PIP5K1C: variants seen among roughly 807,000 people sequenced by gnomAD.
The protein encoded by PIP5K1C is phosphatidylinositol-4-phosphate 5-kinase type 1 gamma.
In PIP5K1C, 45 loss-of-function variants were observed where a neutral mutation model predicts 80.1. The observed-to-expected ratio is 0.56, with a 90% confidence interval of 0.44 to 0.72. The LOEUF (loss-of-function observed/expected upper bound fraction) is 0.72, where lower values mean the gene tolerates loss of function less well. PIP5K1C is among the 30% of genes least tolerant of loss of function. The pLI, the probability that PIP5K1C is intolerant of heterozygous loss-of-function variation, is 0.00. For synonymous variants in PIP5K1C, 498 were observed against 420.1 expected, an observed-to-expected ratio of 1.19 and a Z score of -2.27; for missense variants, 753 against 954.6, an observed-to-expected ratio of 0.79 and a Z score of 2.78.
Position 3,641,726 on chromosome 19 carries a change from A to C in PIP5K1C, c.1766T>G (p.Val589Gly), listed in dbSNP as rs771158166. ...TCACCCTGCGTCCTCCTCTTTGGGG[A>C]CCACAATCTCCACGCTGCACGCAGG... ...VEPACSVEIVVPKEEDAGVEA... is the reference protein window; with the variant it reads ...VEPACSVEIVGPKEEDAGVEA... The change falls in exon 15 of 18, where the codon GTC (valine) becomes GGC (glycine). Residue 589 changes from valine to glycine, a missense_variant. Around this residue, in one of 6 missense-constraint regions of PIP5K1C, gnomAD observed 315 missense variants for 294.5 expected, o/e 1.07. Coordinates refer to ENST00000335312, the MANE Select transcript of PIP5K1C (RefSeq NM_012398.3). The C allele has an allele frequency of 6.2e-7, 1 of 1,609,598 alleles. No homozygotes were observed. Among genetic ancestry groups the C allele is most frequent in the Non-Finnish European group, 8.5e-7 (1 of 1,179,924 alleles).
chr19:3,696,480 C>T lies in PIP5K1C; in HGVS notation c.94+3817G>A, dbSNP rs549867707. ...GAAGAGGAACCGGGAGGGCAGGGGA[C>T]GGAGAAGGGGAGACCGCTGTGTGGT... On this transcript the variant is annotated intron_variant, in intron 1 of 17. Transcript: ENST00000335312. The surrounding 1 kb of genome is among the most constrained non-coding windows in gnomAD (Gnocchi z 4.1). 2.2e-4 allele frequency among the ~76,000 whole-genome samples: 34 copies of T among 151,140 alleles called. No homozygotes were observed. The highest frequency in any genetic ancestry group is 7.5e-4 in the African/African-American group (31 of 41,160).
chr19:3,678,464 GGATGGAGGGAT>G (rs796545623), intron 1 of PIP5K1C, among the ~76,000 whole-genome samples: 3 of 129,998 alleles, frequency 2.3e-5, no homozygotes, highest in African/African-American at 8.8e-5. Context: ...GAGGGATGGA[GGATGGAGGGAT>G]GGAGGAGGGA....
Position 3,644,129 on chromosome 19 carries a change from C to G in PIP5K1C, c.1468G>C (p.Asp490His). 1 of 1,611,824 alleles carries G rather than the reference C, an allele frequency of 6.2e-7. No homozygotes were observed. The highest frequency in any genetic ancestry group is 1.1e-5 in the South Asian group (1 of 91,064). ...IPSEREEAQY[D>H]LRGARSYPTL... is the part of the protein sequence containing the mutation. ...GGGTAGCTGCGGGCCCCCCGCAGGT[C>G]GTACTGGGCCTCCTCCCGCTCGCTA... Residue 490 changes from aspartate to histidine, a missense_variant, in exon 12 of 18, where the codon GAC (aspartate) becomes CAC (histidine). By Grantham distance (81) the Asp-to-His change is moderately conservative. Around this residue, in one of 6 missense-constraint regions of PIP5K1C, gnomAD observed 315 missense variants for 294.5 expected, o/e 1.07. Transcript: ENST00000335312.
intron 1 of PIP5K1C, among the ~76,000 whole-genome samples, chr19:3,673,521 G>A (rs746697347): frequency 6.6e-6 from 1 of 152,208 alleles, no homozygotes; most frequent in Non-Finnish European, 1.5e-5. Flanking sequence ...GAGTAGCACA[G>A]GGGGCCTGCA....
chr19:3,644,560 C>T (rs1303810534), intron 11 of PIP5K1C, among the ~76,000 whole-genome samples: 1 of 152,202 alleles, frequency 6.6e-6, no homozygotes, highest in Non-Finnish European at 1.5e-5. Context: ...GCCAGGGATG[C>T]CTGCAGGCTT....
intron 1 of PIP5K1C, among the ~76,000 whole-genome samples, chr19:3,693,771 AG>A (rs1476846598): frequency 3.3e-5 from 5 of 152,166 alleles, no homozygotes; most frequent in Non-Finnish European, 5.9e-5. Flanking sequence ...TTGTTCCAAA[AG>A]GGAAAGAAGG....
chr19:3,658,759 G>T (rs1035926063), intron 5 of PIP5K1C, among the ~76,000 whole-genome samples: 1 of 152,244 alleles, frequency 6.6e-6, no homozygotes, highest in Non-Finnish European at 1.5e-5. Flanking sequence ...GGCACGTTCG[G>T]CTTTGTACAA....
intron 1 of PIP5K1C, among the ~76,000 whole-genome samples, chr19:3,677,994 G>T (rs1269458362): frequency 1.0e-5 from 1 of 99,802 alleles, no homozygotes; most frequent in East Asian, 2.2e-4. Flanking sequence ...AAGGAGGATG[G>T]AGGGATGGAC....
intron 1 of PIP5K1C, among the ~76,000 whole-genome samples, chr19:3,668,902 C>T (rs1257006968): frequency 2.0e-5 from 3 of 152,280 alleles, no homozygotes; most frequent in Admixed American, 6.5e-5. Context: ...GAGGCAGCCA[C>T]GCTGCACGGA....
rs1231249715 is a variant in PIP5K1C at position 3,637,765 on chromosome 19, C to T, written c.1920+1119G>A. 24 of 1,528,550 alleles carry T rather than the reference C, an allele frequency of 1.6e-5. No individual in the cohort carries two copies. In the East Asian group the frequency reaches 3.2e-4, roughly 20 times the overall value. The allele number at this position is 1,528,550 out of a possible 1,614,324, so 94.7% of individuals were successfully genotyped here. A position where few individuals can be genotyped will look rare whatever the true frequency, so the allele number is the denominator to read the frequency against. On this transcript the variant is annotated intron_variant, in intron 16 of 17. Coordinates refer to ENST00000335312, the MANE Select transcript of PIP5K1C (RefSeq NM_012398.3). This position sits in a 1 kb window ranked among gnomAD's most constrained non-coding sequence, Gnocchi z 7.0. ...CTGCCAAGCAGAAGGTGGGGGGTGC[C>T]GGGGCAGGGGCAGGACCGAGGACCC... is the stretch of plus-strand genomic sequence containing the variant.
Position 3,647,382 on chromosome 19 carries a change from T to C in PIP5K1C, c.1216A>G (p.Ile406Val). ...IIDILQSYRF[I>V]KKLEHTWKAL... ...TTCCAGGTGTGCTCCAGTTTCTTGA[T>C]GAACCTGTGGAGAGAGCACCCGGAG... The change falls in exon 10 of 18, where the codon ATC (isoleucine) becomes GTC (valine). Residue 406 changes from isoleucine to valine, a missense_variant. Ile to Val is a conservative substitution (Grantham distance 29). Transcript: ENST00000335312. 6.3e-7 allele frequency: 1 copy of C among 1,583,358 alleles called. No homozygotes were observed. The highest frequency in any genetic ancestry group is 8.6e-7 in the Non-Finnish European group (1 of 1,163,658).
chr19:3,634,675 C>G (rs147202666), intron 16 of PIP5K1C, among the ~76,000 whole-genome samples: 122 of 152,368 alleles, frequency 8.0e-4, no homozygotes, highest in African/African-American at 2.9e-3. Context: ...CCTGGGCCAG[C>G]AGGGGCCTCC....
At chr19:3,640,616 T>A (rs1235811531) in intron 15 of PIP5K1C, among the ~76,000 whole-genome samples, 3 of 152,188 alleles carry the variant, frequency 2.0e-5, no homozygotes, top group Admixed American at 2.0e-4. Context: ...TTTTAAGCCT[T>A]TTTCTTCAAT....
chr19:3,640,746 G>T (rs1399666619), intron 15 of PIP5K1C, among the ~76,000 whole-genome samples: 1 of 151,384 alleles, frequency 6.6e-6, no homozygotes, highest in African/African-American at 2.4e-5. Context: ...GAGTGCAGTG[G>T]TGCGATCTCA....
rs184816112 is a variant in PIP5K1C, at chr19:3,692,818, G to A, written c.94+7479C>T. 4.1e-3 allele frequency among the ~76,000 whole-genome samples: 624 copies of A among 151,148 alleles called. 7 individuals carry two copies. The highest frequency in any genetic ancestry group is 0.014 in the African/African-American group (593 of 41,160). Reference sequence around the variant, plus strand: ...CACAAGGCCCTGCACACCCTGCCCCGTCCCCTCCCTGCCCTCCCCTCCTCA... The same window carrying A: ...CACAAGGCCCTGCACACCCTGCCCCATCCCCTCCCTGCCCTCCCCTCCTCA... On this transcript the variant is annotated intron_variant, in intron 1 of 17. Coordinates refer to ENST00000335312, the MANE Select transcript of PIP5K1C (RefSeq NM_012398.3). This position sits in a 1 kb window ranked among gnomAD's most constrained non-coding sequence, Gnocchi z 5.2.
At chr19:3,660,860 G>A (rs890384359) in intron 5 of PIP5K1C, 106 bp downstream of exon 5, 23 of 845,880 alleles carry the variant, frequency 2.7e-5, no homozygotes, top group Admixed American at 1.4e-4. Context: ...AACCCTACAC[G>A]AGGAACCCAG....
chr19:3,665,669 C>G (rs1051720687), intron 2 of PIP5K1C, among the ~76,000 whole-genome samples: 1 of 152,130 alleles, frequency 6.6e-6, no homozygotes, highest in Admixed American at 6.5e-5. Context: ...GAGATGGTCT[C>G]ACTGGCCAGG....
At chr19:3,681,177 CG>C (rs1568353133) in intron 1 of PIP5K1C, among the ~76,000 whole-genome samples, 1 of 150,886 alleles carries the variant, frequency 6.6e-6, no homozygotes, top group African/African-American at 2.4e-5. Flanking sequence ...CACTATTCTC[CG>C]GGTGTGTACA....
At chr19:3,638,814 A>G (rs2033820447) in intron 16 of PIP5K1C, 70 bp downstream of exon 16, 2 of 1,600,662 alleles carry the variant, frequency 1.2e-6, no homozygotes, top group Admixed American at 1.7e-5. Flanking sequence ...TGCGGTGTGC[A>G]CACGGTGGAG....
Sources: allele counts gnomAD v4.1 joint callset (sites outside exome capture counted in the v4.1 genomes callset), GRCh38; gene constraint gnomAD v4.1.1; regional missense constraint gnomAD v4.1.1; non-coding constraint Gnocchi (gnomAD v3.1); transcripts MANE v1.5; gene names NCBI Gene and HGNC (gene_info 2026-07-23, HGNC 2026-07-21).